Variants in FAM135B observed in about 807,000 individuals in gnomAD.
FAM135B encodes the protein family with sequence similarity 135 member B.
Under a neutral mutation model 127.7 loss-of-function variants are expected in FAM135B, and 43 were observed. The ratio of observed to expected loss-of-function variants is 0.34; its 90% confidence interval spans 0.26 to 0.43. The LOEUF (loss-of-function observed/expected upper bound fraction) is 0.43. Ranked by LOEUF, FAM135B falls within the 20% of genes least tolerant of loss-of-function variation. The pLI, the probability that FAM135B is intolerant of heterozygous loss-of-function variation, is 1.00. For synonymous variants in FAM135B, 670 were observed against 665.1 expected, an observed-to-expected ratio of 1.01 and a Z score of -0.11; for missense variants, 1,558 against 1,725.6, an observed-to-expected ratio of 0.90 and a Z score of 1.72.
intron 1 of FAM135B, among the ~76,000 whole-genome samples, chr8:138,470,715 A>G (rs143234414): frequency 2.2e-4 from 33 of 152,288 alleles, no homozygotes; most frequent in African/African-American, 7.5e-4. Context: ...TTGTCACAAT[A>G]AAGCTGGATT....
intron 1 of FAM135B, among the ~76,000 whole-genome samples, chr8:138,455,606 A>G (rs2131599385): frequency 6.6e-6 from 1 of 152,258 alleles, no homozygotes; most frequent in East Asian, 1.9e-4. Flanking sequence ...ACAACTGAGG[A>G]AGAAATAAGT....
chr8:138,394,772 G>A (rs78879008), intron 1 of FAM135B, among the ~76,000 whole-genome samples: 1,890 of 152,246 alleles, frequency 0.012, 19 homozygotes, highest in African/African-American at 0.026. Context: ...TGATGTCCTG[G>A]GACCCACTGC....
intron 1 of FAM135B, among the ~76,000 whole-genome samples, chr8:138,433,141 TGAAAA>T (rs1356594371): frequency 2.0e-5 from 3 of 152,178 alleles, no homozygotes; most frequent in African/African-American, 2.4e-5. Context: ...GAAGAGTCAC[TGAAAA>T]GAAAACAAGA....
intron 1 of FAM135B, chr8:138,441,235 T>C (rs1427441410): frequency 6.6e-6 from 1 of 152,196 alleles, no homozygotes; most frequent in African/African-American, 2.4e-5. Context: ...TCAACTCAGC[T>C]CTGATGAGAG....
At chr8:138,207,047 T>C (rs904432778) in intron 7 of FAM135B, among the ~76,000 whole-genome samples, 5 of 152,140 alleles carry the variant, frequency 3.3e-5, no homozygotes, top group African/African-American at 9.7e-5. Context: ...CACATCTATA[T>C]GGCTCTGTCC....
intron 3 of FAM135B, among the ~76,000 whole-genome samples, chr8:138,288,826 C>A (rs1229219594): frequency 2.0e-5 from 3 of 152,120 alleles, no homozygotes; most frequent in Non-Finnish European, 4.4e-5. Flanking sequence ...TTAATAAAAT[C>A]TCCTAAAAAA....
Position 138,166,391 on chromosome 8 carries a change from C to T in FAM135B, c.1258+1504G>A, listed in dbSNP as rs376528399. 1.1e-4 allele frequency among the ~76,000 whole-genome samples: 16 copies of T among 152,350 alleles called. No homozygotes were observed. In the East Asian group the frequency reaches 1.9e-3, roughly 18 times the overall value. ...CTCTGTGTGAAAGCATGTGTGAAAGCAGCAAAACAGGTTGCACTCTGGATA... is the reference window on the plus strand; with the variant it reads ...CTCTGTGTGAAAGCATGTGTGAAAGTAGCAAAACAGGTTGCACTCTGGATA... On this transcript the variant is annotated intron_variant, in intron 12 of 19. Transcript: ENST00000395297.
At chr8:138,353,966 T>G (rs2131136125) in intron 2 of FAM135B, among the ~76,000 whole-genome samples, 1 of 152,256 alleles carries the variant, frequency 6.6e-6, no homozygotes, top group Admixed American at 6.5e-5. Context: ...CTTTATTGAC[T>G]AATTCACCCA....
intron 1 of FAM135B, among the ~76,000 whole-genome samples, chr8:138,376,329 A>G (rs116386660): frequency 0.015 from 2,247 of 152,116 alleles, 44 homozygotes; most frequent in African/African-American, 0.052. Context: ...TCAACTTCTT[A>G]TCTCCGCCTC....
chr8:138,195,297 A>T lies in FAM135B; in HGVS notation c.834T>A (p.Ala278=), dbSNP rs1816520290. Residue 278 remains alanine (A), a synonymous_variant, in exon 9 of 20, where the codon GCT becomes GCA. Transcript: ENST00000395297. ...ELPHTELEAL[A]VEETLSQLCS... is the part of the protein sequence containing the mutation. Reference sequence around the variant, plus strand: ...ACAGCTGAGAAAGTGTTTCTTCAACAGCAAGGGCCTCTAGAAAGAAAAAAT... The same window carrying T: ...ACAGCTGAGAAAGTGTTTCTTCAACTGCAAGGGCCTCTAGAAAGAAAAAAT... 1 of 1,613,972 alleles carries T rather than the reference A, an allele frequency of 6.2e-7. No homozygotes were observed. The highest frequency in any genetic ancestry group is 1.3e-5 in the African/African-American group (1 of 75,064).
intron 7 of FAM135B, among the ~76,000 whole-genome samples, chr8:138,214,221 C>G (rs1410681944): frequency 1.3e-5 from 2 of 152,152 alleles, no homozygotes; most frequent in Non-Finnish European, 2.9e-5. Context: ...ATCCCCGACT[C>G]AAATACTCTT....
intron 7 of FAM135B, among the ~76,000 whole-genome samples, chr8:138,211,330 T>G (rs1818126069): frequency 6.6e-6 from 1 of 152,236 alleles, no homozygotes; most frequent in South Asian, 2.1e-4. Flanking sequence ...AGGGTTTGTA[T>G]TACTACTAGT....
rs79335375 is a variant in FAM135B, at chr8:138,351,981, C to T, written c.77+15926G>A. On this transcript the variant is annotated intron_variant, in intron 2 of 19. Coordinates refer to ENST00000395297, the MANE Select transcript of FAM135B (RefSeq NM_015912.4). ...CTGGGATTACAGGTGTAAGCCACTA[C>T]GTTCGACCAGATTATTTTTTTATTA... Among the ~76,000 whole-genome samples the T allele has an allele frequency of 9.2e-3, 1,401 of 152,218 alleles. 9 individuals carry two copies. The highest frequency in any genetic ancestry group is 0.013 in the Non-Finnish European group (918 of 68,002).
At chr8:138,486,337 C>A (rs2131688536) in intron 1 of FAM135B, among the ~76,000 whole-genome samples, 1 of 152,102 alleles carries the variant, frequency 6.6e-6, no homozygotes, top group African/African-American at 2.4e-5. Flanking sequence ...ATATGAGTCC[C>A]AAAGAATGAG....
intron 1 of FAM135B, among the ~76,000 whole-genome samples, chr8:138,457,526 G>A (rs1836859894): frequency 2.0e-5 from 3 of 152,244 alleles, no homozygotes; most frequent in African/African-American, 7.2e-5. Context: ...GGTGATCCTT[G>A]TTTACACTGA....
At chr8:138,363,971 A>G (rs1830589669) in intron 2 of FAM135B, among the ~76,000 whole-genome samples, 1 of 152,122 alleles carries the variant, frequency 6.6e-6, no homozygotes, top group South Asian at 2.1e-4. Context: ...CATCCCAAAG[A>G]CCTTGTAGAG....
In FAM135B at chr8:138,246,425, T is replaced by C. The variant is rs554221893; in HGVS notation, c.543-3357A>G. On this transcript the variant is annotated intron_variant, in intron 6 of 19. Transcript: ENST00000395297. ...GTGCCCTGTGTTCCAGCTGCTCCAG[T>C]TGTGGCTAAAAGGGGCCAAGGTATA... is the stretch of plus-strand genomic sequence containing the variant. Among the ~76,000 whole-genome samples the C allele has an allele frequency of 6.0e-4, 91 of 152,206 alleles. 1 individual carries two copies. Among genetic ancestry groups the C allele is most frequent in the African/African-American group, 2.2e-3 (90 of 41,544 alleles).
intron 19 of FAM135B, among the ~76,000 whole-genome samples, chr8:138,136,161 AT>A (rs1816644840): frequency 1.3e-5 from 2 of 151,942 alleles, no homozygotes; most frequent in African/African-American, 4.8e-5. Flanking sequence ...ATTTTTAAAA[AT>A]TTTTTCATCA....
At chr8:138,350,217 A>G (rs1019479739) in intron 2 of FAM135B, among the ~76,000 whole-genome samples, 5 of 152,182 alleles carry the variant, frequency 3.3e-5, no homozygotes, top group African/African-American at 1.2e-4. Context: ...GATGAAACCC[A>G]GAATATGTTA....
Sources: allele counts gnomAD v4.1 joint callset (sites outside exome capture counted in the v4.1 genomes callset), GRCh38; gene constraint gnomAD v4.1.1; transcripts MANE v1.5; gene names NCBI Gene and HGNC (gene_info 2026-07-23, HGNC 2026-07-21).